AUTS2: variants seen among roughly 807,000 people sequenced by gnomAD.
The protein encoded by AUTS2 is activator of transcription and developmental regulator AUTS2, also known as autism susceptibility gene 2 protein.
In AUTS2, 17 loss-of-function variants were observed where a neutral mutation model predicts 112.4. The ratio of observed to expected loss-of-function variants is 0.15; its 90% CI spans 0.10 to 0.23. AUTS2 has a LOEUF of 0.23. Among genes scored for constraint, AUTS2 ranks in the 10% least tolerant of loss-of-function variants. AUTS2 has a pLI of 1.00. For missense variants in AUTS2, 1,510 were observed against 1,701.6 expected (o/e 0.89, Z 1.98); for synonymous variants, 751 against 702.7 (o/e 1.07, Z -1.09).
intron 5 of AUTS2, among the ~76,000 whole-genome samples, chr7:70,467,889 C>A (rs908751204): frequency 6.6e-6 from 1 of 152,156 alleles, no homozygotes; most frequent in African/African-American, 2.4e-5. Flanking sequence ...GAAGCAAGGT[C>A]TAATTCTGTC....
chr7:70,129,408 T>C (rs927189093), intron 3 of AUTS2, among the ~76,000 whole-genome samples: 1 of 152,168 alleles, frequency 6.6e-6, no homozygotes, highest in Non-Finnish European at 1.5e-5. Context: ...AGCATATCAA[T>C]ATAAATGTTC....
At chr7:69,872,413 T>C (rs1793539489) in intron 1 of AUTS2, among the ~76,000 whole-genome samples, 1 of 152,266 alleles carries the variant, frequency 6.6e-6, no homozygotes, top group Non-Finnish European at 1.5e-5. Context: ...GATATGTCCT[T>C]AATATATCAG....
At chr7:69,847,661 A>G (rs1443641297) in intron 1 of AUTS2, among the ~76,000 whole-genome samples, 2 of 152,230 alleles carry the variant, frequency 1.3e-5, no homozygotes, top group African/African-American at 4.8e-5. Flanking sequence ...ATACTAGAAA[A>G]TAAAAGACTA....
intron 3 of AUTS2, among the ~76,000 whole-genome samples, chr7:70,129,485 G>A (rs899129196): frequency 5.3e-5 from 8 of 152,130 alleles, no homozygotes; most frequent in South Asian, 2.1e-4. Flanking sequence ...TGGGCACCCC[G>A]TGGCCCAGTG....
rs1806340742 is a variant in AUTS2, at chr7:70,132,676, G to T, written c.625-1860G>T. On this transcript the variant is annotated intron_variant, in intron 3 of 18. Coordinates refer to ENST00000342771, the MANE Select transcript of AUTS2 (RefSeq NM_015570.4). ...TTCTCCACCCAGCTCCCTGAGTAAT[G>T]TACAATATATATGCAAAACGAGCAT... 2.0e-5 allele frequency among the ~76,000 whole-genome samples: 3 copies of T among 152,114 alleles called. No homozygotes were observed. The South Asian group carries it at 6.2e-4, about 31-fold the overall frequency.
chr7:70,786,129 C>T (rs1390770505), intron 17 of AUTS2, 91 bp downstream of exon 17: 2 of 1,137,116 alleles, frequency 1.8e-6, no homozygotes, highest in Non-Finnish European at 2.6e-6. Context: ...GAAAAGGAAA[C>T]TATGCTCTGG....
At chr7:70,389,059 A>G (rs1484002001) in intron 4 of AUTS2, among the ~76,000 whole-genome samples, 1 of 152,168 alleles carries the variant, frequency 6.6e-6, no homozygotes, top group Admixed American at 6.5e-5. Flanking sequence ...CAAAAAGTAT[A>G]GGTTAACCAA....
At chr7:70,432,230 C>T (rs1461748681) in intron 4 of AUTS2, among the ~76,000 whole-genome samples, 1 of 152,204 alleles carries the variant, frequency 6.6e-6, no homozygotes. Context: ...GGGACGCCGT[C>T]TCTGCATCTG....
At chr7:70,774,983 G>GTAGAC (rs1198146921) in intron 12 of AUTS2, 5 of 239,166 alleles carry the variant, frequency 2.1e-5, no homozygotes, top group African/African-American at 2.3e-5. Flanking sequence ...ATACCAGTTA[G>GTAGAC]TAGACAGCTT....
intron 6 of AUTS2, among the ~76,000 whole-genome samples, chr7:70,709,216 CTTG>C (rs1350745964): frequency 3.3e-5 from 5 of 152,142 alleles, no homozygotes; most frequent in Middle Eastern, 3.4e-3. Context: ...CGTACCCGGC[CTTG>C]TTGTTTAAAT....
At chr7:70,774,250 C>A in intron 12 of AUTS2, 151 bp downstream of exon 12, 1 of 704,304 alleles carries the variant, frequency 1.4e-6, no homozygotes. Context: ...ATGCCAATTA[C>A]TCTTAGAAAA....
chr7:69,918,592 G>A (rs74518011), intron 2 of AUTS2, among the ~76,000 whole-genome samples: 14 of 152,322 alleles, frequency 9.2e-5, no homozygotes, highest in African/African-American at 3.4e-4. Flanking sequence ...AGTAAATTGT[G>A]TAGACTTTGT....
chr7:70,175,331 A>G (rs1224041064), intron 4 of AUTS2, among the ~76,000 whole-genome samples: 2 of 152,352 alleles, frequency 1.3e-5, no homozygotes, highest in East Asian at 3.9e-4. Context: ...ATGAACAAAG[A>G]AAGTGTTTTC....
rs539419037 is a variant in AUTS2 at position 69,727,194 on chromosome 7, G to A, written c.309+127232G>A. ...ATTTTTGAGTGTGATATGAGGTAAG[G>A]GTAGAGGTTCATTTTCTCCATATGT... On this transcript the variant is annotated intron_variant, in intron 1 of 18. Transcript: ENST00000342771. 3.9e-5 allele frequency among the ~76,000 whole-genome samples: 6 copies of A among 152,150 alleles called. No individual in the cohort carries two copies. In the South Asian group the frequency reaches 1.2e-3, roughly 32 times the overall value.
intron 4 of AUTS2, among the ~76,000 whole-genome samples, chr7:70,358,659 G>A (rs1219766284): frequency 6.6e-6 from 1 of 152,194 alleles, no homozygotes; most frequent in Non-Finnish European, 1.5e-5. Context: ...ATGGTCCTAA[G>A]GGGGAATGTG....
intron 5 of AUTS2, among the ~76,000 whole-genome samples, chr7:70,538,078 A>G (rs980933181): frequency 3.3e-5 from 5 of 152,148 alleles, no homozygotes; most frequent in Non-Finnish European, 7.4e-5. Context: ...TCTACAAAAA[A>G]TTTTAAAAAC....
At chr7:70,364,566 A>AAAATAAATAAATAAAT (rs200011798) in intron 4 of AUTS2, among the ~76,000 whole-genome samples, 13 of 138,100 alleles carry the variant, frequency 9.4e-5, no homozygotes, top group East Asian at 4.3e-4. Context: ...CTCTGTCTCA[A>AAAATAAATAAATAAAT]AAATAAATAA....
chr7:69,650,970 T>C (rs986083888), intron 1 of AUTS2, among the ~76,000 whole-genome samples: 1 of 152,232 alleles, frequency 6.6e-6, no homozygotes. Flanking sequence ...CTCATCTTTA[T>C]ATTCCCTGCC....
chr7:70,649,673 TGCCC>T (rs1806387514), intron 5 of AUTS2, among the ~76,000 whole-genome samples: 1 of 152,062 alleles, frequency 6.6e-6, no homozygotes, highest in Non-Finnish European at 1.5e-5. Context: ...GGATTACAGG[TGCCC>T]ACCACCATGC....
Sources: gnomAD v4.1 joint callset for allele counts (sites outside exome capture counted in the v4.1 genomes callset) on GRCh38, gnomAD v4.1.1 for gene constraint, MANE v1.5 for transcripts, NCBI Gene and HGNC (gene_info 2026-07-23, HGNC 2026-07-21) for gene names.